The following BMPR2 variants were observed in gnomAD, a reference collection of about 807,000 sequenced individuals.
The protein encoded by BMPR2 is bone morphogenetic protein receptor type-2.
BMPR2 carries 29 observed loss-of-function variants against 100.8 expected under a neutral mutation model. The observed-to-expected ratio is 0.29, with a 90% CI of 0.21 to 0.39. The LOEUF is 0.39. Ranked by LOEUF, BMPR2 falls within the 10% of genes least tolerant of loss-of-function variation. The pLI is 1.00. For synonymous variants in BMPR2, 382 were observed against 442.3 expected (o/e 0.86, Z 1.71); for missense variants, 1,011 against 1,274.5 (o/e 0.79, Z 3.15).
intron 12 of BMPR2, among the ~76,000 whole-genome samples, chr2:202,558,696 C>A (rs1688626542): frequency 6.6e-6 from 1 of 151,036 alleles, no homozygotes; most frequent in African/African-American, 2.4e-5. Flanking sequence ...GAGTTCGAGA[C>A]CAACCTGACC....
intron 1 of BMPR2, among the ~76,000 whole-genome samples, chr2:202,386,959 A>G (rs1051967970): frequency 1.2e-4 from 18 of 152,182 alleles, no homozygotes; most frequent in African/African-American, 3.9e-4. Context: ...CTAGGATTAC[A>G]GGTGTGAGCC....
At chr2:202,470,721 G>C (rs1330346512) in intron 3 of BMPR2, among the ~76,000 whole-genome samples, 4 of 146,754 alleles carry the variant, frequency 2.7e-5, no homozygotes, top group African/African-American at 1.0e-4. Flanking sequence ...CCGAGATTGC[G>C]CCACTGCAGT....
intron 1 of BMPR2, among the ~76,000 whole-genome samples, chr2:202,447,269 A>G (rs1032422450): frequency 5.3e-5 from 8 of 150,470 alleles, no homozygotes; most frequent in South Asian, 2.1e-4. Context: ...AGATTTCGCC[A>G]CTACCCTTGA....
rs1404864046 is a variant in BMPR2, at chr2:202,441,086, A to G, written c.77-23723A>G. ...ACGTCTCCCTCCTGGGTTCAAGCAA[A>G]TCACCTTCCTCAGCCTCCCGAGTAG... On this transcript the variant is annotated intron_variant, in intron 1 of 12. Coordinates refer to ENST00000374580, the MANE Select transcript of BMPR2 (RefSeq NM_001204.7). 3.3e-5 allele frequency among the ~76,000 whole-genome samples: 5 copies of G among 149,770 alleles called. 2 individuals are homozygous for G. The highest frequency in any genetic ancestry group is 1.3e-4 in the African/African-American group (5 of 39,350).
chr2:202,460,077 CAAA>C (rs2105955663), intron 1 of BMPR2, among the ~76,000 whole-genome samples: 1 of 152,230 alleles, frequency 6.6e-6, no homozygotes, highest in South Asian at 2.1e-4. Context: ...TCACACTGGT[CAAA>C]ATGGCTATTA....
intron 1 of BMPR2, 54 bp from the exon 2 acceptor site, chr2:202,464,755 T>G (rs1692285045): frequency 6.7e-7 from 1 of 1,495,486 alleles, no homozygotes; most frequent in African/African-American, 1.4e-5. Flanking sequence ...AGATTTTATA[T>G]AATATTTTGA....
At position 202,479,495 on chromosome 2, in the gene BMPR2, A is replaced by G. The variant is rs10184847; in HGVS notation, c.418+11806A>G. Among the ~76,000 whole-genome samples the G allele has an allele frequency of 1.4e-3, 215 of 151,562 alleles. 3 individuals carry two copies. The highest frequency in any genetic ancestry group is 5.0e-3 in the African/African-American group (203 of 40,818). On this transcript the variant is annotated intron_variant, in intron 3 of 12. Transcript: ENST00000374580. ...AAGTAGAGCAGTTTAGGTTGATAGC[A>G]AAATTGAGAGGAAAGAAGAGAATTC...
In BMPR2 at chr2:202,534,972, C is replaced by G. The variant is rs549052818; in HGVS notation, c.1276+2240C>G. Among the ~76,000 whole-genome samples the G allele has an allele frequency of 1.5e-4, 19 of 123,586 alleles. 2 individuals carry two copies. The highest frequency in any genetic ancestry group is 2.7e-4 in the Non-Finnish European group (16 of 59,228). The allele number at this position is 123,586 out of a possible 152,430, so 81.1% of individuals were successfully genotyped here. ...GGGGCTGACCCCCCCCACCTCCTGGCCGGGCGGGTGGCTGACCCCCTGCCA... is the reference window on the plus strand; with the variant it reads ...GGGGCTGACCCCCCCCACCTCCTGGGCGGGCGGGTGGCTGACCCCCTGCCA... On this transcript the variant is annotated intron_variant, in intron 9 of 12. Transcript: ENST00000374580.
intron 10 of BMPR2, among the ~76,000 whole-genome samples, chr2:202,544,024 C>A (rs1175470532): frequency 1.3e-5 from 2 of 152,050 alleles, no homozygotes; most frequent in African/African-American, 4.8e-5. Context: ...GTCATCAAGT[C>A]TCAGCTGCCC....
chr2:202,500,922 C>A (rs986854980), intron 3 of BMPR2, among the ~76,000 whole-genome samples: 1 of 152,194 alleles, frequency 6.6e-6, no homozygotes. Flanking sequence ...TCCCAACTTA[C>A]ATGGATGGTC....
At chr2:202,473,833 G>C (rs983952909) in intron 3 of BMPR2, among the ~76,000 whole-genome samples, 1 of 150,828 alleles carries the variant, frequency 6.6e-6, no homozygotes, top group Admixed American at 6.6e-5. Context: ...ATAGCCAGGC[G>C]CAGTGGCTCA....
intron 1 of BMPR2, among the ~76,000 whole-genome samples, chr2:202,422,905 T>C (rs890865869): frequency 6.6e-6 from 1 of 151,498 alleles, no homozygotes; most frequent in Non-Finnish European, 1.5e-5. Flanking sequence ...CTCAAACTGC[T>C]GACCTCAGGT....
At chr2:202,410,357 G>T (rs559863554) in intron 1 of BMPR2, among the ~76,000 whole-genome samples, 9 of 152,210 alleles carry the variant, frequency 5.9e-5, no homozygotes, top group African/African-American at 1.4e-4. Flanking sequence ...CAGGACTGAG[G>T]CAGGGAAAAT....
At chr2:202,478,475 G>T (rs925588676) in intron 3 of BMPR2, among the ~76,000 whole-genome samples, 3 of 152,196 alleles carry the variant, frequency 2.0e-5, no homozygotes, top group African/African-American at 7.2e-5. Flanking sequence ...AACAGGGCAT[G>T]GTGGCATGTG....
chr2:202,492,144 A>G (rs540492048), intron 3 of BMPR2, among the ~76,000 whole-genome samples: 2 of 152,262 alleles, frequency 1.3e-5, no homozygotes, highest in South Asian at 2.1e-4. Flanking sequence ...CAAGGAAATG[A>G]TTACCACAGA....
chr2:202,553,645 C>G (rs182518778), intron 11 of BMPR2, among the ~76,000 whole-genome samples: 3 of 151,594 alleles, frequency 2.0e-5, no homozygotes, highest in African/African-American at 7.3e-5. Flanking sequence ...AAAATAAACT[C>G]GATTCTTGAA....
At chr2:202,470,960 G>A (rs1692426096) in intron 3 of BMPR2, among the ~76,000 whole-genome samples, 1 of 152,130 alleles carries the variant, frequency 6.6e-6, no homozygotes, top group South Asian at 2.1e-4. Context: ...TTGAGAGGCT[G>A]AGGTGGGAGG....
chr2:202,394,129 C>T (rs1352979529), intron 1 of BMPR2, among the ~76,000 whole-genome samples: 2 of 152,058 alleles, frequency 1.3e-5, no homozygotes, highest in Non-Finnish European at 2.9e-5. Flanking sequence ...GCAGGTGGAT[C>T]ACCTGAGATC....
rs1176942753 is a variant in BMPR2 at position 202,495,347 on chromosome 2, C to T, written c.419-18372C>T. Among the ~76,000 whole-genome samples the T allele has an allele frequency of 6.6e-6, 1 of 152,190 alleles. No homozygotes were observed. Among genetic ancestry groups the T allele is most frequent in the East Asian group, 1.9e-4 (1 of 5,198 alleles). On this transcript the variant is annotated intron_variant, in intron 3 of 12. Transcript: ENST00000374580. The surrounding 1 kb of genome is among the most constrained non-coding windows in gnomAD (Gnocchi z 4.5). ...TGGGCCGCTTGGTGGCCAGGGCTCT[C>T]CTCCGTCTGCCCCAGCCAAACTCCG...
Sources: gnomAD v4.1 joint callset for allele counts (sites outside exome capture counted in the v4.1 genomes callset) on GRCh38, gnomAD v4.1.1 for gene constraint, Gnocchi (gnomAD v3.1) non-coding constraint, MANE v1.5 for transcripts, NCBI Gene and HGNC (gene_info 2026-07-23, HGNC 2026-07-21) for gene names.